Variants in CNOT11 observed in about 807,000 individuals in gnomAD.
CNOT11 encodes CCR4-NOT transcription complex subunit 11, also known as UPF0760 protein C2orf29.
In CNOT11, 18 loss-of-function variants were observed where a neutral mutation model predicts 44.6. The ratio of observed to expected loss-of-function variants is 0.40; its 90% CI spans 0.28 to 0.60. The LOEUF is 0.60. Ranked by LOEUF, CNOT11 falls within the 20% of genes least tolerant of loss-of-function variation. CNOT11 has a pLI of 0.38. For missense variants in CNOT11, 513 were observed against 677.0 expected (o/e 0.76, Z 2.69); for synonymous variants, 291 against 270.9 (o/e 1.07, Z -0.73).
In CNOT11 at chr2:101,253,603, C is replaced by T. The variant is rs1681676697; in HGVS notation, c.514+125C>T. 5.2e-6 allele frequency: 5 copies of T among 956,916 alleles called. No homozygotes were observed. The highest frequency in any genetic ancestry group is 3.8e-5 in the South Asian group (2 of 52,138). 59.3% of individuals were successfully genotyped at this position (956,916 alleles called of 1,614,324 possible). A position where few individuals can be genotyped will look rare whatever the true frequency, so the allele number is the denominator to read the frequency against. The stretch of plus-strand genomic sequence containing the variant: ...CTGTGAAATGATCATCCTCTTTTTC[C>T]GCCTCTCTCTGCGTTCCCACGCCCC... On this transcript the variant is annotated intron_variant, in intron 1 of 6. Coordinates refer to ENST00000289382, the MANE Select transcript of CNOT11 (RefSeq NM_017546.5). This position sits in a 1 kb window ranked among gnomAD's most constrained non-coding sequence, Gnocchi z 4.3.
At chr2:101,264,157 T>C (rs973937133) in intron 3 of CNOT11, among the ~76,000 whole-genome samples, 2 of 152,236 alleles carry the variant, frequency 1.3e-5, no homozygotes, top group African/African-American at 4.8e-5. Context: ...TGAAATTGGT[T>C]CAGCAGAAGT....
At chr2:101,266,020 AAC>A (rs1218722701) in intron 4 of CNOT11, among the ~76,000 whole-genome samples, 4 of 152,230 alleles carry the variant, frequency 2.6e-5, no homozygotes, top group African/African-American at 9.6e-5. Context: ...CCATCCTGAA[AAC>A]ACAGTCCACT....
intron 2 of CNOT11, among the ~76,000 whole-genome samples, chr2:101,262,191 A>C (rs546535080): frequency 6.6e-6 from 1 of 152,206 alleles, no homozygotes; most frequent in African/African-American, 2.4e-5. Context: ...ATATATGTAC[A>C]GTAAGTCATC....
intron 4 of CNOT11, 80 bp downstream of exon 4, chr2:101,265,127 G>C (rs920572392): frequency 9.8e-7 from 1 of 1,016,774 alleles, no homozygotes; most frequent in East Asian, 2.8e-5. Flanking sequence ...TTGAGACAGA[G>C]TCTCACTCGG....
chr2:101,265,235 A>C (rs1681955520), intron 4 of CNOT11, among the ~76,000 whole-genome samples, 188 bp downstream of exon 4: 1 of 151,956 alleles, frequency 6.6e-6, no homozygotes, highest in African/African-American at 2.4e-5. Context: ...CCAGCAGCTG[A>C]GACTACAGGC....
At chr2:101,268,922 T>C (rs776910940) in intron 5 of CNOT11, 118 bp from the exon 6 acceptor site, 6 of 636,118 alleles carry the variant, frequency 9.4e-6, no homozygotes, top group South Asian at 2.1e-5. Flanking sequence ...AACTAGGGAA[T>C]TGGATATGTC....
Position 101,253,102 on chromosome 2 carries a change from C to T in CNOT11, c.138C>T (p.Gly46=). Residue 46 remains glycine, a synonymous_variant, in exon 1 of 7, where the codon GGC becomes GGT. Coordinates refer to ENST00000289382, the MANE Select transcript of CNOT11 (RefSeq NM_017546.5). This position sits in a 1 kb window ranked among gnomAD's most constrained non-coding sequence, Gnocchi z 4.3. ...GCGGCGGCAGAGGCGGAGCAAGCGGCCCCGGGTCCGGGAGCGGAGGCCCGG... is the reference window on the plus strand; with the variant it reads ...GCGGCGGCAGAGGCGGAGCAAGCGGTCCCGGGTCCGGGAGCGGAGGCCCGG... ...GSGGGRGGAS[G]PGSGSGGPGG... is the part of the protein sequence containing the mutation. 3.3e-6 allele frequency: 5 copies of T among 1,514,892 alleles called. No homozygotes were observed. The highest frequency in any genetic ancestry group is 4.4e-6 in the Non-Finnish European group (5 of 1,138,824). 93.8% of individuals were successfully genotyped at this position (1,514,892 alleles called of 1,614,324 possible). A position where few individuals can be genotyped will look rare whatever the true frequency, so the allele number is the denominator to read the frequency against.
intron 1 of CNOT11, among the ~76,000 whole-genome samples, chr2:101,254,982 G>A (rs1243876629): frequency 6.6e-6 from 1 of 152,120 alleles, no homozygotes; most frequent in Non-Finnish European, 1.5e-5. Flanking sequence ...CAAAGAAACC[G>A]TGACTTATAT....
chr2:101,258,395 C>CAATATATA (rs371756589), intron 2 of CNOT11, among the ~76,000 whole-genome samples: 1 of 144,616 alleles, frequency 6.9e-6, no homozygotes, highest in Admixed American at 6.9e-5. Flanking sequence ...GACTCCATCT[C>CAATATATA]AATAAATAAA....
At chr2:101,264,310 C>T (rs138330431) in intron 3 of CNOT11, among the ~76,000 whole-genome samples, 29 of 152,286 alleles carry the variant, frequency 1.9e-4, no homozygotes, top group African/African-American at 5.3e-4. Flanking sequence ...TTTAGGGATT[C>T]GTGACGGTTT....
chr2:101,266,838 C>T lies in CNOT11; in HGVS notation c.1197C>T (p.Val399=). ...SQITEYFSVL[V]NMDMSLHSME... is the part of the protein sequence containing the mutation. The stretch of plus-strand genomic sequence containing the variant: ...TCACTGAGTATTTCTCTGTCCTGGT[C>T]AATATGGACATGTCTTTACATTCAA... Residue 399 remains valine, a synonymous_variant, in exon 5 of 7, where the codon GTC becomes GTT. Coordinates refer to ENST00000289382, the MANE Select transcript of CNOT11 (RefSeq NM_017546.5). 1 of 1,613,636 alleles carries T rather than the reference C, an allele frequency of 6.2e-7. No homozygotes were observed. Among genetic ancestry groups the T allele is most frequent in the Non-Finnish European group, 8.5e-7 (1 of 1,179,658 alleles).
chr2:101,253,114 G>A lies in CNOT11; in HGVS notation c.150G>A (p.Gly50=), dbSNP rs376358542. Residue 50 remains glycine, a synonymous_variant, in exon 1 of 7, where the codon GGG becomes GGA. Coordinates refer to ENST00000289382, the MANE Select transcript of CNOT11 (RefSeq NM_017546.5). This position sits in a 1 kb window ranked among gnomAD's most constrained non-coding sequence, Gnocchi z 4.3. The part of the protein sequence containing the change: ...GRGGASGPGS[G]SGGPGGPAGR... ...GCGGAGCAAGCGGCCCCGGGTCCGG[G>A]AGCGGAGGCCCGGGGGGCCCCGCGG... The A allele has an allele frequency of 1.6e-3, 2,379 of 1,528,202 alleles. 1 individual carries two copies. Among genetic ancestry groups the A allele is most frequent in the Admixed American group, 2.7e-3 (131 of 47,904 alleles). The allele number at this position is 1,528,202 out of a possible 1,614,324, so 94.7% of individuals were successfully genotyped here. A position where few individuals can be genotyped will look rare whatever the true frequency, so the allele number is the denominator to read the frequency against.
rs952941740 is a variant in CNOT11 at position 101,260,509 on chromosome 2, A to G, written c.680-2030A>G. On this transcript the variant is annotated intron_variant, in intron 2 of 6. Coordinates refer to ENST00000289382, the MANE Select transcript of CNOT11 (RefSeq NM_017546.5). Reference sequence around the variant, plus strand: ...ACCCAGATTGCAGATGTCCGGATCCATTCCTCTTCACAAGTGTAAAGAAAA... The same window carrying G: ...ACCCAGATTGCAGATGTCCGGATCCGTTCCTCTTCACAAGTGTAAAGAAAA... Among the ~76,000 whole-genome samples the G allele has an allele frequency of 2.0e-5, 3 of 152,172 alleles. No homozygotes were observed. The East Asian group carries it at 5.8e-4, about 29-fold the overall frequency.
At position 101,262,710 on chromosome 2, in the gene CNOT11, A is replaced by T. The variant is rs1317228941; in HGVS notation, c.832+19A>T. On this transcript the variant is annotated intron_variant, in intron 3 of 6. Coordinates refer to ENST00000289382, the MANE Select transcript of CNOT11 (RefSeq NM_017546.5). ...ATTGAAAGTAGGTACATATAAATTA[A>T]TTTATACTCTTTGTTTTATTCTGTC... 6.2e-7 allele frequency: 1 copy of T among 1,602,244 alleles called. No individual in the cohort carries two copies. The highest frequency in any genetic ancestry group is 8.5e-7 in the Non-Finnish European group (1 of 1,172,078).
intron 3 of CNOT11, among the ~76,000 whole-genome samples, chr2:101,264,554 A>G (rs1681936180): frequency 6.6e-6 from 1 of 152,190 alleles, no homozygotes; most frequent in Non-Finnish European, 1.5e-5. Context: ...TTGAGTGGCC[A>G]TGCTCAAGTG....
In CNOT11 at chr2:101,253,584, A is replaced by C. The variant is rs1681676071; in HGVS notation, c.514+106A>C. On this transcript the variant is annotated intron_variant, in intron 1 of 6. Coordinates refer to ENST00000289382, the MANE Select transcript of CNOT11 (RefSeq NM_017546.5). The surrounding 1 kb of genome is among the most constrained non-coding windows in gnomAD (Gnocchi z 4.3). ...AAAGGGAAATTAACTATCCCTGTGA[A>C]ATGATCATCCTCTTTTTCCGCCTCT... 2 of 1,042,846 alleles carry C rather than the reference A, an allele frequency of 1.9e-6. No homozygotes were observed. Among genetic ancestry groups the C allele is most frequent in the Non-Finnish European group, 2.6e-6 (2 of 765,590 alleles). The allele number at this position is 1,042,846 out of a possible 1,614,324, so 64.6% of individuals were successfully genotyped here. A position where few individuals can be genotyped will look rare whatever the true frequency, so the allele number is the denominator to read the frequency against.
Position 101,260,575 on chromosome 2 carries a change from T to C in CNOT11, c.680-1964T>C, listed in dbSNP as rs186195447. On this transcript the variant is annotated intron_variant, in intron 2 of 6. Transcript: ENST00000289382. ...ACTCTGGAGCTAGCCACCCAGATCTTCTCTCTGGAGGTCTAAAATTCAGAT... is the reference window on the plus strand; with the variant it reads ...ACTCTGGAGCTAGCCACCCAGATCTCCTCTCTGGAGGTCTAAAATTCAGAT... Among the ~76,000 whole-genome samples the C allele has an allele frequency of 4.6e-5, 7 of 152,114 alleles. No homozygotes were observed. In the East Asian group the frequency reaches 1.4e-3, roughly 29 times the overall value.
chr2:101,259,984 C>T (rs78312057), intron 2 of CNOT11, among the ~76,000 whole-genome samples: 2,567 of 152,096 alleles, frequency 0.017, 69 homozygotes, highest in African/African-American at 0.057. Flanking sequence ...GAGAGGTCAA[C>T]GCTACAATAA....
intron 2 of CNOT11, 65 bp from the exon 3 acceptor site, chr2:101,262,474 G>C: frequency 2.0e-6 from 3 of 1,478,472 alleles, no homozygotes; most frequent in East Asian, 4.5e-5. Flanking sequence ...GCTTGCCTCA[G>C]TTGGTAGCTT....
Sources: gnomAD v4.1 joint callset for allele counts (sites outside exome capture counted in the v4.1 genomes callset) on GRCh38, gnomAD v4.1.1 for gene constraint, Gnocchi (gnomAD v3.1) non-coding constraint, MANE v1.5 for transcripts, NCBI Gene and HGNC (gene_info 2026-07-23, HGNC 2026-07-21) for gene names.